The following UBE2E3 variants were observed in gnomAD, a reference collection of about 807,000 sequenced individuals.
The protein encoded by UBE2E3 is ubiquitin-conjugating enzyme E2 E3.
Under a neutral mutation model 23.6 loss-of-function variants are expected in UBE2E3, and 5 were observed. The ratio of observed to expected loss-of-function variants is 0.21; its 90% CI spans 0.11 to 0.44. The LOEUF is 0.44. Among genes scored for constraint, UBE2E3 ranks in the 20% least tolerant of loss-of-function variants. UBE2E3 has a pLI of 0.99. For synonymous variants in UBE2E3, 78 were observed against 87.5 expected, an observed-to-expected ratio of 0.89 and a Z score of 0.60; for missense variants, 81 against 249.8, an observed-to-expected ratio of 0.32 and a Z score of 4.55.
chr2:181,007,501 T>A (rs1472859011), intron 3 of UBE2E3, among the ~76,000 whole-genome samples: 1 of 61,388 alleles, frequency 1.6e-5, no homozygotes, highest in Non-Finnish European at 3.4e-5. Context: ...AGTATAATTG[T>A]TTTTTTTTTT....
At chr2:181,054,859 A>G (rs1686944047) in intron 3 of UBE2E3, among the ~76,000 whole-genome samples, 1 of 151,820 alleles carries the variant, frequency 6.6e-6, no homozygotes, top group Non-Finnish European at 1.5e-5. Context: ...GACTGGTGAT[A>G]TTTAAAGCTT....
At chr2:181,056,081 T>TAA (rs58442227) in intron 3 of UBE2E3, among the ~76,000 whole-genome samples, 11 of 135,670 alleles carry the variant, frequency 8.1e-5, no homozygotes, top group African/African-American at 1.1e-4. Context: ...AGGAAATGCT[T>TAA]AAAAAAAAAA....
chr2:180,993,854 A>G (rs1574162177), intron 3 of UBE2E3, among the ~76,000 whole-genome samples: 1 of 152,124 alleles, frequency 6.6e-6, no homozygotes, highest in Non-Finnish European at 1.5e-5. Flanking sequence ...GCAACAGCAA[A>G]ATATAGAGGG....
intron 3 of UBE2E3, among the ~76,000 whole-genome samples, chr2:181,021,299 G>A (rs1180706672): frequency 6.6e-6 from 1 of 150,980 alleles, no homozygotes; most frequent in East Asian, 1.9e-4. Flanking sequence ...CTTTATCCGA[G>A]TGTTAAAAAT....
At chr2:181,021,051 C>T (rs952356990) in intron 3 of UBE2E3, among the ~76,000 whole-genome samples, 1 of 152,106 alleles carries the variant, frequency 6.6e-6, no homozygotes, top group Admixed American at 6.5e-5. Flanking sequence ...CATTTCTTAC[C>T]CTACTATATG....
At chr2:181,025,043 T>G (rs945830455) in intron 3 of UBE2E3, among the ~76,000 whole-genome samples, 4 of 152,102 alleles carry the variant, frequency 2.6e-5, no homozygotes, top group Admixed American at 2.0e-4. Context: ...CTATAAGCCT[T>G]TCATGTGGCT....
In UBE2E3 at chr2:180,985,995, C is replaced by A. The variant is rs188695350; in HGVS notation, c.245+1902C>A. Among the ~76,000 whole-genome samples, 14 of 152,192 alleles carry A rather than the reference C, an allele frequency of 9.2e-5. No individual in the cohort carries two copies. The East Asian group carries it at 2.5e-3, about 27-fold the overall frequency. ...TTATTTTAGAGGGAGTAGAATCTTT[C>A]AATGAGATAGGAGGTTTCACTTGTC... On this transcript the variant is annotated intron_variant, in intron 3 of 5. Coordinates refer to ENST00000410062, the MANE Select transcript of UBE2E3 (RefSeq NM_006357.4).
At chr2:181,019,868 A>C (rs975144287) in intron 3 of UBE2E3, among the ~76,000 whole-genome samples, 5 of 152,072 alleles carry the variant, frequency 3.3e-5, no homozygotes, top group African/African-American at 1.2e-4. Flanking sequence ...TTTAAGATCT[A>C]CTTTCTCAGC....
At chr2:181,026,380 C>T (rs1423713910) in intron 3 of UBE2E3, among the ~76,000 whole-genome samples, 2 of 151,574 alleles carry the variant, frequency 1.3e-5, no homozygotes, top group African/African-American at 4.8e-5. Context: ...TTTCCATTCC[C>T]TTAACAAATA....
intron 3 of UBE2E3, among the ~76,000 whole-genome samples, chr2:180,994,748 T>C (rs1684775246): frequency 6.6e-6 from 1 of 152,182 alleles, no homozygotes; most frequent in Non-Finnish European, 1.5e-5. Context: ...AGGTGAATGG[T>C]GTAGCCTAGA....
At chr2:181,025,478 C>G (rs9808318) in intron 3 of UBE2E3, among the ~76,000 whole-genome samples, 3 of 151,786 alleles carry the variant, frequency 2.0e-5, no homozygotes, top group Admixed American at 1.3e-4. Context: ...TCCTTTTCCT[C>G]TTTATTGTGT....
In UBE2E3 at chr2:181,060,689, C is replaced by G. The variant is rs1340175526; in HGVS notation, c.403C>G (p.His135Asp). ...GGTTACTTTCCGCACCAGAATCTATCACTGCAACATCAACAGTCAGGGAGT... is the reference window on the plus strand; with the variant it reads ...GGTTACTTTCCGCACCAGAATCTATGACTGCAACATCAACAGTCAGGGAGT... ...PKVTFRTRIYHCNINSQGVIC... is the reference protein window; with the variant it reads ...PKVTFRTRIYDCNINSQGVIC... Residue 135 changes from histidine (H) to aspartate (D), a missense_variant, in exon 5 of 6, where the codon CAC (histidine) becomes GAC (aspartate). Coordinates refer to ENST00000410062, the MANE Select transcript of UBE2E3 (RefSeq NM_006357.4). 1 of 1,607,450 alleles carries G rather than the reference C, an allele frequency of 6.2e-7. No individual in the cohort carries two copies. The highest frequency in any genetic ancestry group is 1.3e-5 in the African/African-American group (1 of 74,240).
At chr2:180,991,342 A>G (rs1044875266) in intron 3 of UBE2E3, among the ~76,000 whole-genome samples, 1 of 152,178 alleles carries the variant, frequency 6.6e-6, no homozygotes, top group Non-Finnish European at 1.5e-5. Flanking sequence ...ACGTTTACAT[A>G]AGGGTTACAA....
intron 3 of UBE2E3, among the ~76,000 whole-genome samples, chr2:181,005,810 G>A (rs1310238637): frequency 1.3e-5 from 2 of 152,152 alleles, no homozygotes; most frequent in Non-Finnish European, 2.9e-5. Context: ...CTTTGTTTGA[G>A]TTGTGAAATG....
chr2:181,042,433 A>G (rs1686543790), intron 3 of UBE2E3, among the ~76,000 whole-genome samples: 1 of 152,226 alleles, frequency 6.6e-6, no homozygotes, highest in South Asian at 2.1e-4. Context: ...AAGAGGGAGA[A>G]GTCCCTTTTG....
chr2:180,997,487 T>C (rs1684861504), intron 3 of UBE2E3, among the ~76,000 whole-genome samples: 1 of 152,112 alleles, frequency 6.6e-6, no homozygotes, highest in East Asian at 1.9e-4. Context: ...TAGTATTTAG[T>C]ATTTCTTCAT....
intron 2 of UBE2E3, among the ~76,000 whole-genome samples, chr2:180,983,467 AAT>A (rs1684364388): frequency 6.6e-6 from 1 of 152,242 alleles, no homozygotes; most frequent in African/African-American, 2.4e-5. Flanking sequence ...ATGTTTATTA[AAT>A]TTAAGTGCTG....
At chr2:181,029,839 C>CTT (rs546001645) in intron 3 of UBE2E3, among the ~76,000 whole-genome samples, 2,883 of 131,934 alleles carry the variant, frequency 0.022, 45 homozygotes, top group South Asian at 0.037. Context: ...AATTCGGTCC[C>CTT]TTTTTTTTTT....
chr2:180,989,830 GCT>G, intron 3 of UBE2E3: 1 of 1,506,294 alleles, frequency 6.6e-7, no homozygotes, highest in Non-Finnish European at 9.0e-7. Context: ...AGTACTTTAT[GCT>G]CTCCTTAAAT....
Sources: allele counts gnomAD v4.1 joint callset (sites outside exome capture counted in the v4.1 genomes callset), GRCh38; gene constraint gnomAD v4.1.1; transcripts MANE v1.5; gene names NCBI Gene and HGNC (gene_info 2026-07-23, HGNC 2026-07-21).